MAL2: variants seen among roughly 807,000 people sequenced by gnomAD.
MAL2 encodes the protein mal, T cell differentiation protein 2.
In MAL2, 17 loss-of-function variants were observed where a neutral mutation model predicts 18.1. That is an observed-to-expected ratio of 0.94 (90% CI 0.64 to 1.41). The LOEUF (loss-of-function observed/expected upper bound fraction) is 1.41, where lower values mean the gene tolerates loss of function less well. MAL2 is among the 40% of genes most tolerant of loss of function. MAL2 has a pLI of 0.00. For missense variants in MAL2, 222 were observed against 231.9 expected, an observed-to-expected ratio of 0.96 and a Z score of 0.28; for synonymous variants, 102 against 102.3, an observed-to-expected ratio of 1.00 and a Z score of 0.02.
At chr8:119,236,269 T>A (rs1234785283) in intron 2 of MAL2, among the ~76,000 whole-genome samples, 63 of 136,966 alleles carry the variant, frequency 4.6e-4, no homozygotes, top group African/African-American at 1.7e-3. Context: ...ATGCACCCAA[T>A]ACAGGAGCAC....
At position 119,208,455 on chromosome 8, in the gene MAL2, A is replaced by G. The variant is rs1817218150; in HGVS notation, c.-18A>G. 1 of 1,218,928 alleles carries G rather than the reference A, an allele frequency of 8.2e-7. No homozygotes were observed. Among genetic ancestry groups the G allele is most frequent in the Non-Finnish European group, 1.0e-6 (1 of 977,682 alleles). 75.5% of individuals were successfully genotyped at this position (1,218,928 alleles called of 1,614,324 possible). On this transcript the variant is annotated 5_prime_UTR_variant, in exon 1 of 4. Transcript: ENST00000614891. This position sits in a 1 kb window ranked among gnomAD's most constrained non-coding sequence, Gnocchi z 4.3. ...AGGCGGCGGCGGCGCGCGGAGACGC[A>G]GCAGCGGCAGCGGCAGCATGTCGGC...
chr8:119,236,459 A>C (rs1372992392), intron 2 of MAL2, among the ~76,000 whole-genome samples: 1 of 151,548 alleles, frequency 6.6e-6, no homozygotes, highest in Non-Finnish European at 1.5e-5. Flanking sequence ...AGACACCTAC[A>C]GAACTCTCCA....
Position 119,243,656 on chromosome 8 carries a change from AT to A in MAL2, c.*172del. The A allele has an allele frequency of 2.2e-6, 1 of 449,192 alleles. No homozygotes were observed. Among genetic ancestry groups the A allele is most frequent in the Non-Finnish European group, 3.8e-6 (1 of 260,036 alleles). The allele number at this position is 449,192 out of a possible 1,614,324, so 27.8% of individuals were successfully genotyped here. On this transcript the variant is annotated 3_prime_UTR_variant, in exon 4 of 4. Transcript: ENST00000614891. The stretch of plus-strand genomic sequence containing the variant: ...GGTTTATTTCATGGATGGAATGTTA[AT>A]TTTATTATGATATTAAAGAAATGGC...
intron 1 of MAL2, among the ~76,000 whole-genome samples, chr8:119,220,216 G>A (rs1817440689): frequency 1.3e-5 from 2 of 152,184 alleles, no homozygotes; most frequent in South Asian, 4.1e-4. Flanking sequence ...AGAAATCTGG[G>A]TATTTTCCTT....
chr8:119,231,594 G>A (rs939690621), intron 2 of MAL2, among the ~76,000 whole-genome samples: 2 of 152,098 alleles, frequency 1.3e-5, no homozygotes, highest in Admixed American at 6.6e-5. Context: ...TCCCACGCCT[G>A]GGTATATATC....
chr8:119,214,120 C>A (rs1817307224), intron 1 of MAL2, among the ~76,000 whole-genome samples: 1 of 152,112 alleles, frequency 6.6e-6, no homozygotes, highest in Non-Finnish European at 1.5e-5. Context: ...ATAGAAATGA[C>A]CCTGTAATGA....
intron 1 of MAL2, among the ~76,000 whole-genome samples, chr8:119,209,953 C>T (rs1212830430): frequency 6.6e-6 from 1 of 152,042 alleles, no homozygotes; most frequent in Non-Finnish European, 1.5e-5. Context: ...GGGAGGGAGA[C>T]ACGTTTAGAA....
intron 2 of MAL2, among the ~76,000 whole-genome samples, chr8:119,237,181 A>T (rs191367640): frequency 0.015 from 2,238 of 151,446 alleles, 59 homozygotes; most frequent in African/African-American, 0.052. Context: ...TAAACTAGAA[A>T]ATCTAGAAGA....
intron 1 of MAL2, chr8:119,215,028 G>A (rs1403985065): frequency 6.6e-6 from 1 of 152,662 alleles, no homozygotes; most frequent in East Asian, 1.9e-4. Flanking sequence ...CTGGAAGAAG[G>A]CACAAGATTT....
At position 119,208,423 on chromosome 8, in the gene MAL2, A is replaced by C. The variant is rs1366141099; in HGVS notation, c.-50A>C. 9 of 1,048,620 alleles carry C rather than the reference A, an allele frequency of 8.6e-6. No homozygotes were observed. The highest frequency in any genetic ancestry group is 1.1e-5 in the Non-Finnish European group (9 of 856,246). The allele number at this position is 1,048,620 out of a possible 1,614,324, so 65.0% of individuals were successfully genotyped here. ...GCGGCGGCAGGAGCCCGGGAGGCGG[A>C]GGCGGGAGGCGGCGGCGGCGCGCGG... On this transcript the variant is annotated 5_prime_UTR_variant, in exon 1 of 4. Coordinates refer to ENST00000614891, the MANE Select transcript of MAL2 (RefSeq NM_052886.3). This position sits in a 1 kb window ranked among gnomAD's most constrained non-coding sequence, Gnocchi z 4.3.
At chr8:119,227,816 T>A (rs942191517) in intron 2 of MAL2, among the ~76,000 whole-genome samples, 2 of 152,148 alleles carry the variant, frequency 1.3e-5, no homozygotes, top group Admixed American at 1.3e-4. Context: ...ACATCTCCGT[T>A]CACTGGAGTT....
chr8:119,218,232 C>A (rs542902455), intron 1 of MAL2, among the ~76,000 whole-genome samples: 6 of 152,076 alleles, frequency 3.9e-5, no homozygotes, highest in Non-Finnish European at 8.8e-5. Flanking sequence ...CATTCCTACA[C>A]TCCTTCCCTC....
At chr8:119,238,552 A>G (rs1357445302) in intron 2 of MAL2, among the ~76,000 whole-genome samples, 1 of 149,950 alleles carries the variant, frequency 6.7e-6, no homozygotes, top group Admixed American at 6.7e-5. Context: ...TAACCAAAAC[A>G]GCATGGTACT....
intron 1 of MAL2, among the ~76,000 whole-genome samples, chr8:119,217,934 A>T (rs930964410): frequency 3.3e-5 from 5 of 152,172 alleles, no homozygotes; most frequent in African/African-American, 1.2e-4. Context: ...TCAGTTTTTT[A>T]ACTTAAAAAA....
rs777109285 is a variant in MAL2 at position 119,221,622 on chromosome 8, C to G, written c.168C>G (p.Ser56=). The change falls in exon 2 of 4, where the codon TCC becomes TCG. Residue 56 remains serine, a synonymous_variant. Coordinates refer to ENST00000614891, the MANE Select transcript of MAL2 (RefSeq NM_052886.3). ...FGGLVWILVA[S]SNVPLPLLQG... ...GTCTTGTCTGGATTTTGGTTGCCTC[C>G]TCCAATGTTCCTCTACCTCTACTAC... The G allele has an allele frequency of 3.7e-6, 6 of 1,613,850 alleles. No individual in the cohort carries two copies. Among genetic ancestry groups the G allele is most frequent in the Admixed American group, 3.3e-5 (2 of 60,016 alleles).
chr8:119,221,281 CAAAG>C (rs987146003), intron 1 of MAL2: 13 of 240,316 alleles, frequency 5.4e-5, no homozygotes, highest in Admixed American at 1.0e-4. Context: ...TCAGTAAAGT[CAAAG>C]GAAGGTATTT....
intron 2 of MAL2, among the ~76,000 whole-genome samples, chr8:119,226,637 GAAAGTGAAGGCA>G (rs1817601980): frequency 3.0e-5 from 1 of 32,904 alleles, no homozygotes; most frequent in Non-Finnish European, 1.3e-4. Flanking sequence ...AGGCAATTAA[GAAAGTGAAGGCA>G]ATTAAGAAAG....
chr8:119,237,456 G>T (rs1207478966), intron 2 of MAL2, among the ~76,000 whole-genome samples: 2 of 151,574 alleles, frequency 1.3e-5, no homozygotes, highest in African/African-American at 4.9e-5. Flanking sequence ...GCATCATTCT[G>T]ATACCAAAGC....
At chr8:119,241,148 T>A (rs1463012231) in intron 3 of MAL2, among the ~76,000 whole-genome samples, 1 of 152,178 alleles carries the variant, frequency 6.6e-6, no homozygotes, top group Non-Finnish European at 1.5e-5. Flanking sequence ...CACTGTCTAG[T>A]AGAACTTTCT....
Sources: allele counts gnomAD v4.1 joint callset (sites outside exome capture counted in the v4.1 genomes callset), GRCh38; gene constraint gnomAD v4.1.1; non-coding constraint Gnocchi (gnomAD v3.1); transcripts MANE v1.5; gene names NCBI Gene and HGNC (gene_info 2026-07-23, HGNC 2026-07-21).